TSPAN12: variants seen among roughly 807,000 people sequenced by gnomAD.
TSPAN12 encodes the protein tetraspanin 12, also known as tetraspanin-12.
A neutral mutation model predicts 39.2 loss-of-function variants in TSPAN12; 19 were observed. That is an observed-to-expected ratio of 0.49 (90% CI 0.34 to 0.71). The LOEUF is 0.71. Among genes scored for constraint, TSPAN12 ranks in the 30% least tolerant of loss-of-function variants. TSPAN12 has a pLI of 0.01. For missense variants in TSPAN12, 314 were observed against 359.9 expected, an observed-to-expected ratio of 0.87 and a Z score of 1.03; for synonymous variants, 119 against 124.8, an observed-to-expected ratio of 0.95 and a Z score of 0.31.
intron 4 of TSPAN12, among the ~76,000 whole-genome samples, chr7:120,819,373 T>C (rs1794145087): frequency 1.3e-5 from 2 of 152,066 alleles, no homozygotes; most frequent in Non-Finnish European, 2.9e-5. Context: ...CCATGATTGG[T>C]GGGGAGGGGC....
rs529545951 is a variant in TSPAN12 at position 120,850,431 on chromosome 7, C to T, written c.66+6267G>A. ...TATAAGTAGAAGAAGAGTAAAATGCCTCATTCTACATGATAGTTTCTGTGC... is the reference window on the plus strand; with the variant it reads ...TATAAGTAGAAGAAGAGTAAAATGCTTCATTCTACATGATAGTTTCTGTGC... On this transcript the variant is annotated intron_variant, in intron 2 of 7. Transcript: ENST00000222747. Among the ~76,000 whole-genome samples, 163 of 152,284 alleles carry T rather than the reference C, an allele frequency of 1.1e-3. 1 individual carries two copies. Among genetic ancestry groups the T allele is most frequent in the African/African-American group, 3.7e-3 (153 of 41,556 alleles).
rs151200827 is a variant in TSPAN12 at position 120,788,677 on chromosome 7, A to G, written c.833T>C (p.Leu278Pro). Residue 278 changes from leucine to proline, a missense_variant, in exon 8 of 8, where the codon CTG becomes CCG. Physicochemically the swap from Leu to Pro is moderately conservative, Grantham distance 98 (BLOSUM62 -3). Transcript: ENST00000222747. ...GATTCTTGACAGGCTTGGTTTCAACAGTTCTACTGAGGGACATGACAGGTG... is the reference window on the plus strand; with the variant it reads ...GATTCTTGACAGGCTTGGTTTCAACGGTTCTACTGAGGGACATGACAGGTG... ...SQHLSCPSVE[L>P]LKPSLSRIFE... The G allele has an allele frequency of 4.8e-4, 767 of 1,614,148 alleles. 2 individuals carry two copies. Among genetic ancestry groups the G allele is most frequent in the Non-Finnish European group, 5.6e-4 (665 of 1,180,004 alleles).
At chr7:120,837,311 A>ATT (rs1412239220) in intron 4 of TSPAN12, among the ~76,000 whole-genome samples, 3 of 130,004 alleles carry the variant, frequency 2.3e-5, no homozygotes, top group Admixed American at 7.4e-5. Flanking sequence ...TTATTCATTT[A>ATT]TTTATTTTTT....
intron 7 of TSPAN12, among the ~76,000 whole-genome samples, chr7:120,796,472 C>T (rs1478645766): frequency 2.0e-5 from 3 of 152,166 alleles, no homozygotes; most frequent in South Asian, 2.1e-4. Context: ...TTGTTGTCAT[C>T]GGCTACCACT....
chr7:120,789,041 G>T, intron 7 of TSPAN12, 144 bp from the exon 8 acceptor site: 3 of 863,900 alleles, frequency 3.5e-6, no homozygotes, highest in South Asian at 3.1e-5. Context: ...CTCAGGGAAA[G>T]CTGATGAGAA....
chr7:120,804,958 C>T (rs984012791), intron 7 of TSPAN12, among the ~76,000 whole-genome samples: 1 of 152,068 alleles, frequency 6.6e-6, no homozygotes, highest in Non-Finnish European at 1.5e-5. Context: ...TAGATTTCTC[C>T]TCATGGCCCT....
chr7:120,825,004 T>C (rs1313258639), intron 4 of TSPAN12, among the ~76,000 whole-genome samples: 1 of 152,182 alleles, frequency 6.6e-6, no homozygotes, highest in Non-Finnish European at 1.5e-5. Context: ...TGATATACAT[T>C]ATCTAAAGAA....
intron 7 of TSPAN12, among the ~76,000 whole-genome samples, chr7:120,797,699 T>C (rs1253888001): frequency 2.0e-5 from 3 of 152,066 alleles, no homozygotes; most frequent in African/African-American, 7.2e-5. Context: ...CAAATCAGAG[T>C]CAAGAATGCT....
intron 7 of TSPAN12, among the ~76,000 whole-genome samples, chr7:120,799,626 AATT>A (rs1269651201): frequency 8.4e-5 from 10 of 118,988 alleles, no homozygotes; most frequent in South Asian, 2.3e-4. Flanking sequence ...AATTAAATAT[AATT>A]ATTATATATA....
At chr7:120,797,949 T>A (rs1793665290) in intron 7 of TSPAN12, among the ~76,000 whole-genome samples, 1 of 152,220 alleles carries the variant, frequency 6.6e-6, no homozygotes, top group African/African-American at 2.4e-5. Context: ...GCCAATAGCA[T>A]GATGTTTAAG....
At chr7:120,812,315 C>T (rs1005909562) in intron 5 of TSPAN12, among the ~76,000 whole-genome samples, 10 of 152,270 alleles carry the variant, frequency 6.6e-5, no homozygotes, top group Admixed American at 3.9e-4. Context: ...AATCTCATTA[C>T]ACACACAGTA....
intron 1 of TSPAN12, chr7:120,857,231 A>C: frequency 3.7e-6 from 1 of 267,068 alleles, no homozygotes; most frequent in Non-Finnish European, 7.3e-6. Context: ...ACTGCCCCCT[A>C]CCCCGGACAC....
intron 4 of TSPAN12, among the ~76,000 whole-genome samples, chr7:120,820,145 C>T (rs1441108552): frequency 6.6e-6 from 1 of 152,094 alleles, no homozygotes; most frequent in African/African-American, 2.4e-5. Flanking sequence ...GTTTGCAAAG[C>T]AACTCACCCT....
chr7:120,805,026 G>A (rs534588698), intron 7 of TSPAN12, among the ~76,000 whole-genome samples: 18 of 152,152 alleles, frequency 1.2e-4, no homozygotes, highest in Middle Eastern at 3.4e-3. Context: ...AGAACACTGT[G>A]ACAATAAATT....
At chr7:120,850,778 C>G (rs1036533064) in intron 2 of TSPAN12, among the ~76,000 whole-genome samples, 2 of 152,128 alleles carry the variant, frequency 1.3e-5, no homozygotes, top group Non-Finnish European at 2.9e-5. Flanking sequence ...CAATCTCCCC[C>G]TCCCAGGTTC....
At chr7:120,824,489 G>C (rs1727260063) in intron 4 of TSPAN12, among the ~76,000 whole-genome samples, 1 of 151,876 alleles carries the variant, frequency 6.6e-6, no homozygotes, top group Admixed American at 6.6e-5. Context: ...ATCAGTGTGA[G>C]TTGAACTATT....
intron 4 of TSPAN12, among the ~76,000 whole-genome samples, chr7:120,833,291 A>G (rs980407000): frequency 5.3e-5 from 8 of 152,118 alleles, no homozygotes; most frequent in African/African-American, 1.9e-4. Flanking sequence ...GACTAGCTAT[A>G]TAATCATAAA....
intron 4 of TSPAN12, among the ~76,000 whole-genome samples, chr7:120,834,472 G>A (rs1332759621): frequency 6.6e-6 from 1 of 152,066 alleles, no homozygotes; most frequent in Non-Finnish European, 1.5e-5. Context: ...CAGGGAGGCT[G>A]GTTATAAAGA....
At chr7:120,796,163 G>A (rs1230550871) in intron 7 of TSPAN12, among the ~76,000 whole-genome samples, 2 of 152,162 alleles carry the variant, frequency 1.3e-5, no homozygotes, top group Admixed American at 6.5e-5. Context: ...AAGGAGCAGA[G>A]TTTATTCACA....
Sources: allele counts gnomAD v4.1 joint callset (sites outside exome capture counted in the v4.1 genomes callset), GRCh38; gene constraint gnomAD v4.1.1; transcripts MANE v1.5; gene names NCBI Gene and HGNC (gene_info 2026-07-23, HGNC 2026-07-21).